Variants in GUCY1A2 observed in about 807,000 individuals in gnomAD.
GUCY1A2 encodes the protein guanylate cyclase 1 soluble subunit alpha 2, also known as guanylate cyclase soluble subunit alpha-2.
A neutral mutation model predicts 63.5 loss-of-function variants in GUCY1A2; 27 were observed. The observed-to-expected ratio is 0.43, with a 90% CI of 0.31 to 0.59. The LOEUF is 0.59. Ranked by LOEUF, GUCY1A2 falls within the 20% of genes least tolerant of loss-of-function variation. The pLI is 0.11. For missense variants in GUCY1A2, 768 were observed against 913.3 expected, an observed-to-expected ratio of 0.84 and a Z score of 2.05; for synonymous variants, 364 against 343.5, an observed-to-expected ratio of 1.06 and a Z score of -0.66.
chr11:106,837,394 T>C (rs1380244035), intron 4 of GUCY1A2, among the ~76,000 whole-genome samples: 1 of 152,062 alleles, frequency 6.6e-6, no homozygotes, highest in African/African-American at 2.4e-5. Context: ...CAATCTGTCA[T>C]TGCTGAGCAT....
At chr11:106,911,864 A>T (rs1860299388) in intron 4 of GUCY1A2, among the ~76,000 whole-genome samples, 1 of 152,126 alleles carries the variant, frequency 6.6e-6, no homozygotes, top group Non-Finnish European at 1.5e-5. Flanking sequence ...ACATATTTAG[A>T]TTATATTTTT....
At chr11:106,762,434 G>A (rs1864081971) in intron 6 of GUCY1A2, among the ~76,000 whole-genome samples, 1 of 152,008 alleles carries the variant, frequency 6.6e-6, no homozygotes, top group Non-Finnish European at 1.5e-5. Flanking sequence ...TGAATGTCTA[G>A]AACCATGATA....
At chr11:106,827,738 TG>T in intron 4 of GUCY1A2, 1 of 1,530,194 alleles carries the variant, frequency 6.5e-7, no homozygotes, top group Non-Finnish European at 9.1e-7. Context: ...GCTTGAAATT[TG>T]TAACTGCTTT....
At chr11:106,694,301 G>A (rs1862677681) in intron 7 of GUCY1A2, among the ~76,000 whole-genome samples, 2 of 152,090 alleles carry the variant, frequency 1.3e-5, no homozygotes, top group South Asian at 4.1e-4. Flanking sequence ...CAATGTCTCA[G>A]GAGAACAAAC....
At chr11:106,865,041 T>C (rs1859571961) in intron 4 of GUCY1A2, among the ~76,000 whole-genome samples, 2 of 152,138 alleles carry the variant, frequency 1.3e-5, no homozygotes, top group South Asian at 2.1e-4. Context: ...TGAATCTGTC[T>C]GGTCAACTAC....
intron 4 of GUCY1A2, among the ~76,000 whole-genome samples, chr11:106,822,385 C>A (rs183422386): frequency 6.6e-6 from 1 of 151,898 alleles, no homozygotes; most frequent in East Asian, 1.9e-4. Context: ...ATTTTAGGTC[C>A]AAGGAGCACA....
chr11:106,983,711 G>T (rs1861366259), intron 2 of GUCY1A2, among the ~76,000 whole-genome samples: 1 of 152,166 alleles, frequency 6.6e-6, no homozygotes. Context: ...GTATTTAAAT[G>T]CTGAGTTATT....
intron 4 of GUCY1A2, among the ~76,000 whole-genome samples, chr11:106,919,466 A>G (rs1860412880): frequency 6.6e-6 from 1 of 152,184 alleles, no homozygotes; most frequent in Non-Finnish European, 1.5e-5. Context: ...ATATCCATAT[A>G]TCAAATCATC....
chr11:106,812,585 T>C (rs1449961028), intron 4 of GUCY1A2, among the ~76,000 whole-genome samples: 1 of 151,974 alleles, frequency 6.6e-6, no homozygotes, highest in African/African-American at 2.4e-5. Flanking sequence ...ATCTCCATCT[T>C]AATTTTAAAT....
chr11:106,756,520 GAGCTCTTGT>G (rs1167771834), intron 6 of GUCY1A2, among the ~76,000 whole-genome samples: 10 of 152,084 alleles, frequency 6.6e-5, no homozygotes, highest in African/African-American at 2.4e-4. Context: ...CTTCCTTCAG[GAGCTCTTGT>G]AAGGCAGGCC....
chr11:106,901,213 C>T (rs1171242498), intron 4 of GUCY1A2, among the ~76,000 whole-genome samples: 2 of 152,178 alleles, frequency 1.3e-5, no homozygotes, highest in African/African-American at 4.8e-5. Flanking sequence ...CTTTGTTCAT[C>T]CATAAGAATC....
Position 106,980,201 on chromosome 11 carries a change from C to T in GUCY1A2, c.366-1461G>A, listed in dbSNP as rs183092477. Among the ~76,000 whole-genome samples the T allele has an allele frequency of 1.8e-3, 279 of 152,324 alleles. 3 individuals are homozygous for T. Among genetic ancestry groups the T allele is most frequent in the East Asian group, 1.5e-3 (8 of 5,174 alleles). ...TGGCAGGGCAAATATGTGAATTTCCCATGGGTTAGGGAAGAGAGAGGCAAG... is the reference window on the plus strand; with the variant it reads ...TGGCAGGGCAAATATGTGAATTTCCTATGGGTTAGGGAAGAGAGAGGCAAG... On this transcript the variant is annotated intron_variant, in intron 2 of 7. Coordinates refer to ENST00000526355, the MANE Select transcript of GUCY1A2 (RefSeq NM_000855.3).
rs750884861 is a variant in GUCY1A2, at chr11:106,686,783, G to A, written c.*766C>T. The A allele has an allele frequency of 1.0e-5, 2 of 199,904 alleles. No individual in the cohort carries two copies. The highest frequency in any genetic ancestry group is 2.1e-5 in the Non-Finnish European group (2 of 96,796). 12.4% of individuals were successfully genotyped at this position (199,904 alleles called of 1,614,324 possible). ...AAATTCCATTTCCTCTGGATTCCAT[G>A]CTACATTAGTTAAATCTAAAAGATA... On this transcript the variant is annotated 3_prime_UTR_variant, in exon 8 of 8. Coordinates refer to ENST00000526355, the MANE Select transcript of GUCY1A2 (RefSeq NM_000855.3).
chr11:106,789,712 C>G (rs1419580877), intron 5 of GUCY1A2, among the ~76,000 whole-genome samples: 1 of 152,190 alleles, frequency 6.6e-6, no homozygotes, highest in East Asian at 1.9e-4. Flanking sequence ...TAGCTCTGCA[C>G]TGGGGGCACC....
chr11:107,010,893 C>G (rs1033365454), intron 1 of GUCY1A2, among the ~76,000 whole-genome samples: 2 of 151,928 alleles, frequency 1.3e-5, no homozygotes, highest in Non-Finnish European at 2.9e-5. Context: ...CCACGCCTGG[C>G]TAATTTTTGT....
intron 4 of GUCY1A2, among the ~76,000 whole-genome samples, chr11:106,884,492 G>C (rs527752921): frequency 6.6e-6 from 1 of 152,194 alleles, no homozygotes; most frequent in Admixed American, 6.6e-5. Context: ...AAGTTTGAGA[G>C]GTGTACAGAG....
At chr11:106,777,529 A>G (rs1864379831) in intron 5 of GUCY1A2, among the ~76,000 whole-genome samples, 2 of 151,890 alleles carry the variant, frequency 1.3e-5, no homozygotes, top group South Asian at 4.1e-4. Context: ...TGTCTTTTGC[A>G]GGGACATGGT....
intron 5 of GUCY1A2, among the ~76,000 whole-genome samples, chr11:106,806,057 C>T (rs1858679350): frequency 6.6e-6 from 1 of 151,972 alleles, no homozygotes; most frequent in South Asian, 2.1e-4. Context: ...AAGCTCTGGG[C>T]CTACTAGGTA....
chr11:106,868,314 T>C (rs534569109), intron 4 of GUCY1A2, among the ~76,000 whole-genome samples: 6 of 152,230 alleles, frequency 3.9e-5, no homozygotes, highest in South Asian at 2.1e-4. Context: ...GGAAGTCAAA[T>C]TGTCCCTGTT....
Sources: gnomAD v4.1 joint callset for allele counts (sites outside exome capture counted in the v4.1 genomes callset) on GRCh38, gnomAD v4.1.1 for gene constraint, MANE v1.5 for transcripts, NCBI Gene and HGNC (gene_info 2026-07-23, HGNC 2026-07-21) for gene names.